The following ABLIM1 variants were observed in gnomAD, a reference collection of about 807,000 sequenced individuals.
ABLIM1 encodes the protein actin binding LIM protein 1.
Under a neutral mutation model 107.0 loss-of-function variants are expected in ABLIM1, and 40 were observed. That is an observed-to-expected ratio of 0.37 (90% CI 0.29 to 0.49). The LOEUF (loss-of-function observed/expected upper bound fraction) is 0.49. ABLIM1 is among the 20% of genes least tolerant of loss of function. The pLI is 0.97. For synonymous variants in ABLIM1, 357 were observed against 357.3 expected (o/e 1.00, Z 0.01); for missense variants, 857 against 1,008.5 (o/e 0.85, Z 2.04).
chr10:114,593,441 T>C (rs999029716), intron 2 of ABLIM1, among the ~76,000 whole-genome samples: 1 of 152,152 alleles, frequency 6.6e-6, no homozygotes, highest in African/African-American at 2.4e-5. Context: ...GTTACTGGTT[T>C]CTCCATGCTC....
chr10:114,565,179 A>C (rs973102402), intron 4 of ABLIM1, among the ~76,000 whole-genome samples: 19 of 152,236 alleles, frequency 1.2e-4, no homozygotes, highest in African/African-American at 4.6e-4. Flanking sequence ...ATGTGTCTAA[A>C]GAAGGAGAGG....
chr10:114,550,532 A>C (rs1183593778), intron 4 of ABLIM1, among the ~76,000 whole-genome samples: 1 of 152,072 alleles, frequency 6.6e-6, no homozygotes, highest in Non-Finnish European at 1.5e-5. Flanking sequence ...CCATTGTTAT[A>C]ATTGATGAAC....
At chr10:114,744,258 G>A (rs2082340625) in intron 1 of ABLIM1, among the ~76,000 whole-genome samples, 2 of 152,086 alleles carry the variant, frequency 1.3e-5, no homozygotes, top group South Asian at 4.2e-4. Flanking sequence ...TATCTCACTG[G>A]CCATTTATTC....
chr10:114,781,365 G>A, the ABLIM1 span, among the ~76,000 whole-genome samples: 959 of 151,940 alleles, frequency 6.3e-3, 6 homozygotes, highest in African/African-American at 0.022. Flanking sequence ...TTAGCTGGGC[G>A]TGGTGGTGCA....
At chr10:114,710,982 A>G (rs1004870108) in intron 1 of ABLIM1, among the ~76,000 whole-genome samples, 4 of 152,132 alleles carry the variant, frequency 2.6e-5, no homozygotes, top group African/African-American at 9.7e-5. Context: ...CTCAAAGATG[A>G]CCTATAAGCT....
chr10:114,645,136 A>T (rs1373233037), intron 1 of ABLIM1, among the ~76,000 whole-genome samples: 1 of 152,184 alleles, frequency 6.6e-6, no homozygotes, highest in Non-Finnish European at 1.5e-5. Flanking sequence ...TCAGCGCCCT[A>T]CCCATACCTC....
chr10:114,485,463 A>C (rs565716805), intron 8 of ABLIM1: 20 of 1,256,080 alleles, frequency 1.6e-5, no homozygotes, highest in Admixed American at 9.7e-5. Context: ...ATAAAACAAA[A>C]CAACAACCAC....
chr10:114,668,288 G>GAAACAAAAAATTAATTCA (rs2080108533), intron 1 of ABLIM1, among the ~76,000 whole-genome samples: 1 of 152,162 alleles, frequency 6.6e-6, no homozygotes, highest in African/African-American at 2.4e-5. Context: ...GGGACAAGTG[G>GAAACAAAAAATTAATTCA]AGTGAGACAG....
At chr10:114,445,212 T>C in intron 16 of ABLIM1, 100 bp downstream of exon 16, 1 of 1,091,854 alleles carries the variant, frequency 9.2e-7, no homozygotes, top group Non-Finnish European at 1.4e-6. Flanking sequence ...TGGGACCACC[T>C]CTTGCCTATC....
chr10:114,747,944 G>A lies in ABLIM1; in HGVS notation c.-213+20117C>T, dbSNP rs141400622. 8.0e-3 allele frequency among the ~76,000 whole-genome samples: 1,224 copies of A among 152,262 alleles called. 16 individuals carry two copies. Among genetic ancestry groups the A allele is most frequent in the African/African-American group, 0.028 (1,179 of 41,546 alleles). ...AATCCCAGCTACTTGGGAGGCTGAG[G>A]CACGAGAATCGCTTGAACTCGGGAG... On this transcript the variant is annotated intron_variant, in intron 1 of 15. Coordinates refer to the ABLIM1 transcript ENST00000651092.
At chr10:114,627,180 C>A (rs373525486) in intron 1 of ABLIM1, among the ~76,000 whole-genome samples, 2 of 152,166 alleles carry the variant, frequency 1.3e-5, no homozygotes, top group African/African-American at 4.8e-5. Context: ...ATTACAATCA[C>A]CCAACCTGTT....
At chr10:114,658,688 C>T (rs1043871290), upstream of ABLIM1, among the ~76,000 whole-genome samples, 2 of 152,144 alleles carry the variant, frequency 1.3e-5, no homozygotes, top group African/African-American at 4.8e-5. Flanking sequence ...GTGGGGAAGG[C>T]TCGATAAAGA....
intron 6 of ABLIM1, among the ~76,000 whole-genome samples, chr10:114,528,402 A>C (rs1196276334): frequency 6.6e-6 from 1 of 152,240 alleles, no homozygotes; most frequent in Non-Finnish European, 1.5e-5. Flanking sequence ...GTTTGGAAGA[A>C]GTCCCAAGCA....
Position 114,491,783 on chromosome 10 carries a change from C to T in ABLIM1, c.982+8G>A. On this transcript the variant is annotated splice_region_variant and intron_variant, in intron 7 of 22. Transcript: ENST00000533213. Reference sequence around the variant, plus strand: ...GGAAAACTTCTAGTGTTCTTGAGTCCACCTCACCTTGAAGATACATTTCCT... The same window carrying T: ...GGAAAACTTCTAGTGTTCTTGAGTCTACCTCACCTTGAAGATACATTTCCT... The T allele has an allele frequency of 1.9e-6, 3 of 1,605,528 alleles. No individual in the cohort carries two copies. Among genetic ancestry groups the T allele is most frequent in the Non-Finnish European group, 2.6e-6 (3 of 1,173,252 alleles).
upstream of ABLIM1, among the ~76,000 whole-genome samples, chr10:114,770,638 C>T (rs2083012517): frequency 6.6e-6 from 1 of 152,172 alleles, no homozygotes; most frequent in Non-Finnish European, 1.5e-5. Flanking sequence ...CCTGTTTTTA[C>T]TTAACACACT....
chr10:114,784,528 G>C, the ABLIM1 span, among the ~76,000 whole-genome samples: 2 of 149,934 alleles, frequency 1.3e-5, no homozygotes, highest in Non-Finnish European at 3.0e-5. Flanking sequence ...TGAGCTGGGC[G>C]TGGTGGCGGG....
At chr10:114,648,256 G>A (rs11196828) in intron 1 of ABLIM1, among the ~76,000 whole-genome samples, 55,694 of 152,046 alleles carry the variant, frequency 0.37, 11,803 homozygotes, top group Non-Finnish European at 0.48. Flanking sequence ...ATTCATAATA[G>A]CCAGAAAGCA....
At chr10:114,491,469 TC>T (rs1385060286) in intron 7 of ABLIM1, among the ~76,000 whole-genome samples, 1 of 152,130 alleles carries the variant, frequency 6.6e-6, no homozygotes, top group African/African-American at 2.4e-5. Context: ...CTAAGCATAT[TC>T]CTGGGGAGAG....
chr10:114,614,106 A>G (rs1262930896), intron 1 of ABLIM1, among the ~76,000 whole-genome samples: 4 of 152,132 alleles, frequency 2.6e-5, no homozygotes, highest in African/African-American at 9.7e-5. Flanking sequence ...AAGGGAGAGG[A>G]AGAAAAAATT....
Sources: allele counts gnomAD v4.1 joint callset (sites outside exome capture counted in the v4.1 genomes callset), GRCh38; gene constraint gnomAD v4.1.1; transcripts MANE v1.5; gene names NCBI Gene and HGNC (gene_info 2026-07-23, HGNC 2026-07-21).